Variants in CTNNA3 observed in about 807,000 individuals in gnomAD.
CTNNA3 encodes the protein catenin alpha 3, also known as catenin alpha-3.
CTNNA3 carries 76 observed loss-of-function variants against 95.7 expected under a neutral mutation model. The observed-to-expected ratio is 0.79, with a 90% CI of 0.66 to 0.96. The LOEUF (loss-of-function observed/expected upper bound fraction) is 0.96, where lower values mean the gene tolerates loss of function less well. Among genes scored for constraint, CTNNA3 ranks in the 40% least tolerant of loss-of-function variants. The probability of loss-of-function intolerance (pLI) is 0.00; values close to 1 mark genes in which losing one functional copy is unlikely to be tolerated. For missense variants in CTNNA3, 1,191 were observed against 1,089.8 expected, an observed-to-expected ratio of 1.09 and a Z score of -1.31; for synonymous variants, 431 against 374.4, an observed-to-expected ratio of 1.15 and a Z score of -1.74.
chr10:66,659,480 A>G (rs372630947), intron 9 of CTNNA3, among the ~76,000 whole-genome samples: 14 of 152,190 alleles, frequency 9.2e-5, no homozygotes, highest in African/African-American at 3.4e-4. Context: ...TTGTGAGAAA[A>G]GACTTAGAAA....
intron 9 of CTNNA3, among the ~76,000 whole-genome samples, chr10:66,707,399 ATTT>A (rs113734614): frequency 3.1e-4 from 47 of 149,588 alleles, no homozygotes; most frequent in African/African-American, 1.1e-3. Context: ...TTACATTTTA[ATTT>A]TTTTTTTGTC....
intron 3 of CTNNA3, among the ~76,000 whole-genome samples, chr10:67,599,015 CAG>C (rs1843004336): frequency 6.6e-6 from 1 of 152,118 alleles, no homozygotes; most frequent in African/African-American, 2.4e-5. Context: ...TCAGGAACAA[CAG>C]AGTTTAAAGT....
intron 11 of CTNNA3, among the ~76,000 whole-genome samples, chr10:66,393,532 T>A (rs2092950332): frequency 6.6e-6 from 1 of 152,128 alleles, no homozygotes; most frequent in Admixed American, 6.6e-5. Context: ...TATTTACAGA[T>A]GTCTACCAAC....
intron 13 of CTNNA3, among the ~76,000 whole-genome samples, chr10:66,233,315 G>A (rs976281237): frequency 6.6e-6 from 1 of 151,702 alleles, no homozygotes; most frequent in East Asian, 1.9e-4. Flanking sequence ...TAACCATAAA[G>A]GGAACATCTA....
intron 7 of CTNNA3, among the ~76,000 whole-genome samples, chr10:67,055,998 C>A (rs1211508467): frequency 2.0e-5 from 3 of 152,016 alleles, no homozygotes; most frequent in African/African-American, 7.2e-5. Context: ...TGCCTCACCT[C>A]TTATGTTCTT....
chr10:66,039,776 C>T (rs2079644865), intron 15 of CTNNA3, among the ~76,000 whole-genome samples: 1 of 152,044 alleles, frequency 6.6e-6, no homozygotes, highest in Admixed American at 6.6e-5. Context: ...CTATAAAAAC[C>T]CTGGAAGAAA....
chr10:66,189,639 CATATAT>C (rs978055342), intron 13 of CTNNA3, among the ~76,000 whole-genome samples: 42 of 125,918 alleles, frequency 3.3e-4, no homozygotes, highest in Admixed American at 1.1e-3. Context: ...CACACATATA[CATATAT>C]ATATACACAC....
intron 1 of CTNNA3, among the ~76,000 whole-genome samples, chr10:67,725,572 G>C (rs551050585): frequency 2.6e-4 from 39 of 152,032 alleles, no homozygotes; most frequent in African/African-American, 8.7e-4. Flanking sequence ...TCACATATCA[G>C]AGTCCCCTAC....
At chr10:67,214,746 C>T (rs1864276796) in intron 6 of CTNNA3, among the ~76,000 whole-genome samples, 1 of 151,910 alleles carries the variant, frequency 6.6e-6, no homozygotes. Flanking sequence ...CAGTTATTTT[C>T]TCTGAGAATG....
intron 5 of CTNNA3, among the ~76,000 whole-genome samples, chr10:67,253,957 C>T (rs1244788722): frequency 6.6e-6 from 1 of 152,140 alleles, no homozygotes; most frequent in Non-Finnish European, 1.5e-5. Context: ...TGTGTGTCCA[C>T]TATATAAACG....
intron 13 of CTNNA3, among the ~76,000 whole-genome samples, chr10:66,218,483 A>G (rs765198661): frequency 1.8e-4 from 28 of 152,152 alleles, no homozygotes; most frequent in Non-Finnish European, 2.6e-4. Flanking sequence ...GCTCAGTTCT[A>G]AAGAACTGAA....
At chr10:66,017,221 C>G (rs1045661775) in intron 15 of CTNNA3, among the ~76,000 whole-genome samples, 4 of 152,068 alleles carry the variant, frequency 2.6e-5, no homozygotes, top group African/African-American at 9.7e-5. Context: ...GCTTCTTGTA[C>G]TTTTTGGAAT....
At chr10:67,365,907 C>T (rs1359255344) in intron 5 of CTNNA3, among the ~76,000 whole-genome samples, 1 of 152,214 alleles carries the variant, frequency 6.6e-6, no homozygotes, top group Non-Finnish European at 1.5e-5. Context: ...AATCATGCTA[C>T]TATAAAGATG....
intron 9 of CTNNA3, among the ~76,000 whole-genome samples, chr10:66,762,280 T>C (rs1216682345): frequency 1.3e-5 from 2 of 152,110 alleles, no homozygotes; most frequent in African/African-American, 4.8e-5. Context: ...ACATTTGTCA[T>C]TCATTGCTAA....
At chr10:67,091,197 G>C (rs1446654643) in intron 7 of CTNNA3, among the ~76,000 whole-genome samples, 1 of 151,940 alleles carries the variant, frequency 6.6e-6, no homozygotes, top group Non-Finnish European at 1.5e-5. Context: ...CCCAAAGCTA[G>C]TTATGAAAAT....
chr10:67,142,230 GAT>G (rs1860602589), intron 7 of CTNNA3, among the ~76,000 whole-genome samples: 1 of 152,122 alleles, frequency 6.6e-6, no homozygotes, highest in South Asian at 2.1e-4. Flanking sequence ...CCCTTTCTCA[GAT>G]AACTGCTTAT....
chr10:67,290,156 T>A (rs1839778244), intron 5 of CTNNA3, among the ~76,000 whole-genome samples: 2 of 152,178 alleles, frequency 1.3e-5, no homozygotes, highest in African/African-American at 2.4e-5. Context: ...GTATCCTTCA[T>A]ACAATGTATA....
Position 66,189,617 on chromosome 10 carries a change from T to TATATATATATATATATATATAC in CTNNA3, c.1885-86369_1885-86368insGTATATATATATATATATATAT, listed in dbSNP as rs151078010. ...CTATAGATTTATATATATATATATA[T>TATATATATATATATATATATAC]ACACACATACACACACATATACATA... On this transcript the variant is annotated intron_variant, in intron 13 of 17. Coordinates refer to ENST00000433211, the MANE Select transcript of CTNNA3 (RefSeq NM_013266.4). Among the ~76,000 whole-genome samples the TATATATATATATATATATATAC allele has an allele frequency of 1.7e-3, 241 of 140,360 alleles. 2 individuals carry two copies. Among genetic ancestry groups the TATATATATATATATATATATAC allele is most frequent in the African/African-American group, 6.2e-3 (218 of 35,186 alleles). The allele number at this position is 140,360 out of a possible 152,430, so 92.1% of individuals were successfully genotyped here.
At chr10:66,309,463 C>A (rs553634267) in intron 12 of CTNNA3, among the ~76,000 whole-genome samples, 2 of 149,264 alleles carry the variant, frequency 1.3e-5, no homozygotes, top group Non-Finnish European at 3.0e-5. Flanking sequence ...GAGGCCAAGG[C>A]GGGCAGATCA....
Sources: gnomAD v4.1 joint callset for allele counts (sites outside exome capture counted in the v4.1 genomes callset) on GRCh38, gnomAD v4.1.1 for gene constraint, MANE v1.5 for transcripts, NCBI Gene and HGNC (gene_info 2026-07-23, HGNC 2026-07-21) for gene names.